Variants in LDB2 observed in about 807,000 individuals in gnomAD.
The protein encoded by LDB2 is LIM domain-binding protein 2.
In LDB2, 12 loss-of-function variants were observed where a neutral mutation model predicts 44.3. The ratio of observed to expected loss-of-function variants is 0.27; its 90% confidence interval spans 0.17 to 0.44. The LOEUF is 0.44. Among genes scored for constraint, LDB2 ranks in the 20% least tolerant of loss-of-function variants. The pLI, the probability that LDB2 is intolerant of heterozygous loss-of-function variation, is 1.00. For missense variants in LDB2, 344 were observed against 473.5 expected, an observed-to-expected ratio of 0.73 and a Z score of 2.54; for synonymous variants, 164 against 174.8, an observed-to-expected ratio of 0.94 and a Z score of 0.49.
intron 5 of LDB2, among the ~76,000 whole-genome samples, chr4:16,532,939 G>A (rs1202925521): frequency 1.3e-5 from 2 of 152,142 alleles, no homozygotes; most frequent in Admixed American, 6.5e-5. Context: ...TCTAGAAAGG[G>A]AGCCAGTCAA....
intron 7 of LDB2, chr4:16,506,102 G>T (rs1719306056): frequency 9.2e-7 from 1 of 1,087,294 alleles, no homozygotes; most frequent in Non-Finnish European, 1.3e-6. Flanking sequence ...CATGCCTTTG[G>T]ACCAGACAGT....
At chr4:16,849,285 TA>T (rs1394554164) in intron 1 of LDB2, among the ~76,000 whole-genome samples, 49 of 152,318 alleles carry the variant, frequency 3.2e-4, no homozygotes, top group African/African-American at 1.2e-3. Context: ...CCACCCCAAC[TA>T]AAGTAGCCCC....
intron 5 of LDB2, among the ~76,000 whole-genome samples, chr4:16,550,131 C>T (rs1218255751): frequency 2.6e-5 from 4 of 152,186 alleles, no homozygotes; most frequent in Non-Finnish European, 4.4e-5. Context: ...AGGCCTCATT[C>T]TCCTTATCTG....
At chr4:16,519,641 G>A (rs961594164) in intron 5 of LDB2, among the ~76,000 whole-genome samples, 1 of 149,094 alleles carries the variant, frequency 6.7e-6, no homozygotes, top group Admixed American at 6.7e-5. Context: ...TGATGCAGAA[G>A]GGTGTAGGTT....
At chr4:16,632,182 C>A (rs1484555586) in intron 2 of LDB2, among the ~76,000 whole-genome samples, 2 of 152,150 alleles carry the variant, frequency 1.3e-5, no homozygotes, top group Non-Finnish European at 2.9e-5. Context: ...CAAAAATCCT[C>A]AATAAAATAC....
chr4:16,674,402 C>T (rs1745710242), intron 2 of LDB2: 2 of 516,422 alleles, frequency 3.9e-6, no homozygotes, highest in African/African-American at 2.0e-5. Context: ...GCAGGGACCC[C>T]AGCTCTCTCA....
At chr4:16,565,305 A>G (rs1744095636) in intron 5 of LDB2, among the ~76,000 whole-genome samples, 1 of 152,226 alleles carries the variant, frequency 6.6e-6, no homozygotes, top group South Asian at 2.1e-4. Flanking sequence ...AAATTAAAAT[A>G]CTGCCTTGAG....
At chr4:16,688,919 A>C (rs1165766927) in intron 2 of LDB2, among the ~76,000 whole-genome samples, 3 of 152,264 alleles carry the variant, frequency 2.0e-5, no homozygotes, top group Non-Finnish European at 4.4e-5. Context: ...TGCATCAGGC[A>C]AAGTCTATCC....
intron 1 of LDB2, among the ~76,000 whole-genome samples, chr4:16,800,521 A>G (rs1028033668): frequency 3.9e-5 from 6 of 152,192 alleles, no homozygotes; most frequent in African/African-American, 1.2e-4. Flanking sequence ...ACCTTTTATA[A>G]ACAATCATCC....
chr4:16,874,902 A>T (rs1273712603), intron 1 of LDB2, among the ~76,000 whole-genome samples: 1 of 152,232 alleles, frequency 6.6e-6, no homozygotes, highest in Non-Finnish European at 1.5e-5. Flanking sequence ...AAATTGGTCC[A>T]ATTATGTTTT....
rs1455907842 is a variant in LDB2 at position 16,586,503 on chromosome 4, CACACACACACACACACACACACAAA to C, written c.532-523_532-499del. Among the ~76,000 whole-genome samples the C allele has an allele frequency of 3.2e-4, 36 of 111,958 alleles. No individual in the cohort carries two copies. In the East Asian group the frequency reaches 6.3e-3, roughly 20 times the overall value. The allele number at this position is 111,958 out of a possible 152,430, so 73.4% of individuals were successfully genotyped here. ...GTCTTGAAATACACACACACACACACACACACACACACACACACACACAAAACACACACACACACACACACACATA... is the reference window on the plus strand; with the variant it reads ...GTCTTGAAATACACACACACACACACACACACACACACACACACACACATA... On this transcript the variant is annotated intron_variant, in intron 4 of 7. Coordinates refer to ENST00000304523, the MANE Select transcript of LDB2 (RefSeq NM_001290.5).
At position 16,793,097 on chromosome 4, in the gene LDB2, C is replaced by T. The variant is rs1048530187; in HGVS notation, c.133-33837G>A. Among the ~76,000 whole-genome samples, 6 of 152,232 alleles carry T rather than the reference C, an allele frequency of 3.9e-5. No individual in the cohort carries two copies. The South Asian group carries it at 6.2e-4, about 16-fold the overall frequency. Reference sequence around the variant, plus strand: ...GGCTATTTTCTTTGTACAGCTTAAACGTTTGATTTTCCAAATCAGGAAACT... The same window carrying T: ...GGCTATTTTCTTTGTACAGCTTAAATGTTTGATTTTCCAAATCAGGAAACT... On this transcript the variant is annotated intron_variant, in intron 1 of 7. Transcript: ENST00000304523.
intron 2 of LDB2, among the ~76,000 whole-genome samples, chr4:16,697,972 A>G (rs1752582999): frequency 6.6e-6 from 1 of 152,234 alleles, no homozygotes; most frequent in East Asian, 1.9e-4. Flanking sequence ...TGGATAAGTT[A>G]TATTTTTTAA....
chr4:16,528,697 G>T (rs2152295897), intron 5 of LDB2, among the ~76,000 whole-genome samples: 1 of 152,346 alleles, frequency 6.6e-6, no homozygotes, highest in East Asian at 1.9e-4. Flanking sequence ...AAGGTATAGA[G>T]AAGTGCCTGG....
rs537468371 is a variant in LDB2 at position 16,602,381 on chromosome 4, A to G, written c.236-6506T>C. Among the ~76,000 whole-genome samples the G allele has an allele frequency of 6.6e-5, 10 of 152,330 alleles. No individual in the cohort carries two copies. The South Asian group carries it at 2.1e-3, about 32-fold the overall frequency. Reference sequence around the variant, plus strand: ...GAACCACAGGGGCAAAAGCCCTAAGACAGGAATGAATTTTGATTGAACGAG... The same window carrying G: ...GAACCACAGGGGCAAAAGCCCTAAGGCAGGAATGAATTTTGATTGAACGAG... On this transcript the variant is annotated intron_variant, in intron 2 of 7. Coordinates refer to ENST00000304523, the MANE Select transcript of LDB2 (RefSeq NM_001290.5).
chr4:16,735,909 C>A (rs1469553549), intron 2 of LDB2, among the ~76,000 whole-genome samples: 1 of 152,040 alleles, frequency 6.6e-6, no homozygotes, highest in Non-Finnish European at 1.5e-5. Context: ...AATGTGGTAC[C>A]CTGGATGGAA....
rs777287849 is a variant in LDB2, at chr4:16,768,498, G to T, written c.133-9238C>A. On this transcript the variant is annotated intron_variant, in intron 1 of 7. Coordinates refer to ENST00000304523, the MANE Select transcript of LDB2 (RefSeq NM_001290.5). ...AGGCAGAAACACACTTGCTACACTT[G>T]CTCTGCCTACATTTCTTTTTCTGCC... Among the ~76,000 whole-genome samples the T allele has an allele frequency of 6.4e-4, 98 of 152,166 alleles. 1 individual carries two copies. Among genetic ancestry groups the T allele is most frequent in the Non-Finnish European group, 1.2e-3 (81 of 67,998 alleles).
intron 1 of LDB2, among the ~76,000 whole-genome samples, chr4:16,777,831 A>C (rs2109417490): frequency 6.6e-6 from 1 of 152,118 alleles, no homozygotes; most frequent in South Asian, 2.1e-4. Context: ...ATGATCAGTA[A>C]CTCTGTTAGT....
intron 5 of LDB2, among the ~76,000 whole-genome samples, chr4:16,562,727 A>G (rs1198244766): frequency 2.0e-5 from 3 of 152,248 alleles, no homozygotes; most frequent in African/African-American, 7.2e-5. Context: ...TACATACCCA[A>G]AGGACTATAA....
Sources: allele counts gnomAD v4.1 joint callset (sites outside exome capture counted in the v4.1 genomes callset), GRCh38; gene constraint gnomAD v4.1.1; transcripts MANE v1.5; gene names NCBI Gene and HGNC (gene_info 2026-07-23, HGNC 2026-07-21).